Variants in ODAD2 observed in about 807,000 individuals in gnomAD.
ODAD2 encodes the protein outer dynein arm-docking complex subunit 2.
Under a neutral mutation model 106.8 loss-of-function variants are expected in ODAD2, and 89 were observed. The observed-to-expected ratio is 0.83, with a 90% CI of 0.70 to 0.99. The LOEUF (loss-of-function observed/expected upper bound fraction) is 0.99, where lower values mean the gene tolerates loss of function less well. Among genes scored for constraint, ODAD2 ranks in the 50% least tolerant of loss-of-function variants. The pLI, the probability that ODAD2 is intolerant of heterozygous loss-of-function variation, is 0.00. For synonymous variants in ODAD2, 404 were observed against 436.2 expected (o/e 0.93, Z 0.92); for missense variants, 1,168 against 1,238.5 (o/e 0.94, Z 0.85).
At chr10:27,934,014 G>T (rs576048870) in intron 16 of ODAD2, among the ~76,000 whole-genome samples, 1 of 152,212 alleles carries the variant, frequency 6.6e-6, no homozygotes, top group Non-Finnish European at 1.5e-5. Context: ...GAATCATGGG[G>T]GCAGGTCTTT....
intron 17 of ODAD2, among the ~76,000 whole-genome samples, chr10:27,877,368 T>C (rs774772387): frequency 2.6e-5 from 4 of 152,076 alleles, no homozygotes; most frequent in African/African-American, 4.8e-5. Flanking sequence ...TGGTATGAGA[T>C]ACCAGGAGCC....
At chr10:27,941,648 G>C (rs1346104631) in intron 12 of ODAD2, among the ~76,000 whole-genome samples, 1 of 139,398 alleles carries the variant, frequency 7.2e-6, no homozygotes, top group Non-Finnish European at 1.5e-5. Flanking sequence ...GATCTTAAGG[G>C]AAAGGCAATT....
intron 19 of ODAD2, among the ~76,000 whole-genome samples, chr10:27,838,365 T>G (rs1838058856): frequency 6.6e-6 from 1 of 152,236 alleles, no homozygotes; most frequent in Non-Finnish European, 1.5e-5. Context: ...CTTTGTGTAT[T>G]GAGTCAAATA....
intron 17 of ODAD2, among the ~76,000 whole-genome samples, chr10:27,868,059 C>T (rs764727831): frequency 5.9e-5 from 9 of 151,790 alleles, no homozygotes; most frequent in African/African-American, 9.7e-5. Context: ...GACATTTATG[C>T]GGCCAACAAA....
chr10:27,815,013 GT>G (rs1454123377), intron 19 of ODAD2, among the ~76,000 whole-genome samples: 1 of 152,016 alleles, frequency 6.6e-6, no homozygotes, highest in African/African-American at 2.4e-5. Flanking sequence ...TCAATCTTCA[GT>G]TCTTCTTTTT....
chr10:27,859,544 A>T (rs999853945), intron 19 of ODAD2, among the ~76,000 whole-genome samples: 1 of 152,042 alleles, frequency 6.6e-6, no homozygotes, highest in African/African-American at 2.4e-5. Flanking sequence ...GGGGTTTTTA[A>T]CTCTTTGCTA....
At chr10:27,820,777 CTTTTTTT>C (rs72095120) in intron 19 of ODAD2, among the ~76,000 whole-genome samples, 4,782 of 105,576 alleles carry the variant, frequency 0.045, 250 homozygotes, top group East Asian at 0.23. Flanking sequence ...AGCCCAGCAA[CTTTTTTT>C]TTTTTTTTTT....
chr10:27,874,751 TG>T (rs1841191778), intron 17 of ODAD2, among the ~76,000 whole-genome samples: 1 of 152,226 alleles, frequency 6.6e-6, no homozygotes, highest in African/African-American at 2.4e-5. Context: ...CTTCCCTTTG[TG>T]TGTAACCCGA....
chr10:27,840,112 G>A (rs1646196759), intron 19 of ODAD2, among the ~76,000 whole-genome samples: 1 of 152,142 alleles, frequency 6.6e-6, no homozygotes, highest in African/African-American at 2.4e-5. Context: ...AAAGCTGTCA[G>A]CAAGAATTTG....
At chr10:27,959,220 AGGG>A in intron 10 of ODAD2, among the ~76,000 whole-genome samples, 1 of 15,366 alleles carries the variant, frequency 6.5e-5, no homozygotes, top group South Asian at 3.6e-3. Context: ...AGGGGAGGGG[AGGG>A]GAGGGGAGGC....
intron 10 of ODAD2, among the ~76,000 whole-genome samples, chr10:27,956,481 GT>G (rs1228594492): frequency 6.6e-6 from 1 of 152,176 alleles, no homozygotes; most frequent in Non-Finnish European, 1.5e-5. Flanking sequence ...ATATCCAACT[GT>G]GCTTGCCAAT....
intron 19 of ODAD2, among the ~76,000 whole-genome samples, chr10:27,822,197 T>A (rs1263142033): frequency 6.6e-6 from 1 of 152,218 alleles, no homozygotes; most frequent in African/African-American, 2.4e-5. Context: ...GCATGGGAAT[T>A]GGGTCTGCAT....
At chr10:27,867,724 C>T (rs971121007) in intron 17 of ODAD2, among the ~76,000 whole-genome samples, 8 of 152,084 alleles carry the variant, frequency 5.3e-5, no homozygotes, top group Non-Finnish European at 1.0e-4. Context: ...CTGAGGCAGG[C>T]GGATCACTTG....
chr10:27,863,197 C>T (rs796067514), intron 17 of ODAD2, among the ~76,000 whole-genome samples: 9 of 152,270 alleles, frequency 5.9e-5, no homozygotes, highest in African/African-American at 2.2e-4. Context: ...TTATTTAACA[C>T]AGATATTTTC....
At chr10:27,966,558 A>G (rs1315011433) in intron 9 of ODAD2, among the ~76,000 whole-genome samples, 1 of 152,206 alleles carries the variant, frequency 6.6e-6, no homozygotes, top group African/African-American at 2.4e-5. Flanking sequence ...ATCCTGTCCC[A>G]TCGCAACTGC....
chr10:27,925,374 T>C (rs1215593524), intron 16 of ODAD2, among the ~76,000 whole-genome samples: 2 of 152,212 alleles, frequency 1.3e-5, no homozygotes, highest in African/African-American at 4.8e-5. Flanking sequence ...AAAAATGTTT[T>C]TGAGGCAAGG....
intron 17 of ODAD2, among the ~76,000 whole-genome samples, chr10:27,894,860 C>T (rs572285605): frequency 9.9e-4 from 151 of 152,104 alleles, no homozygotes; most frequent in Non-Finnish European, 1.7e-3. Flanking sequence ...CCACTTTGCC[C>T]GGCTTCAAAT....
intron 10 of ODAD2, among the ~76,000 whole-genome samples, chr10:27,954,947 G>C (rs1295481346): frequency 6.6e-6 from 1 of 152,092 alleles, no homozygotes; most frequent in East Asian, 1.9e-4. Flanking sequence ...TTCTGAGTAG[G>C]CTGTTTTTAG....
Position 27,907,749 on chromosome 10 carries a change from A to G in ODAD2, c.2524T>C (p.Leu842=). 6.2e-7 allele frequency: 1 copy of G among 1,613,622 alleles called. No homozygotes were observed. Among genetic ancestry groups the G allele is most frequent in the East Asian group, 2.2e-5 (1 of 44,842 alleles). ...MIIDRLDGVR[L]LWSLLKNPHP... is the part of the protein sequence containing the mutation. ...GGATTTTTCAGCAGGGACCACAACA[A>G]ACGAACTCCATCTAAGCGATCAATT... Residue 842 remains leucine, a synonymous_variant, in exon 17 of 20, where the codon TTG becomes CTG. Coordinates refer to ENST00000305242, the MANE Select transcript of ODAD2 (RefSeq NM_018076.5).
Sources: allele counts gnomAD v4.1 joint callset (sites outside exome capture counted in the v4.1 genomes callset), GRCh38; gene constraint gnomAD v4.1.1; transcripts MANE v1.5; gene names NCBI Gene and HGNC (gene_info 2026-07-23, HGNC 2026-07-21).